Variants in SDR42E2 observed in about 807,000 individuals in gnomAD.
The protein encoded by SDR42E2 is putative short-chain dehydrogenase/reductase family 42E member 2.
SDR42E2 carries 20 observed loss-of-function variants against 10.5 expected under a neutral mutation model. The observed-to-expected ratio is 1.90, with a 90% confidence interval of 1.34 to 2.77. The LOEUF (loss-of-function observed/expected upper bound fraction) is 2.77, where lower values mean the gene tolerates loss of function less well. Ranked by LOEUF, SDR42E2 falls within the 30% of genes most tolerant of loss-of-function variation. The probability of loss-of-function intolerance (pLI) is 0.00; values close to 1 mark genes in which losing one functional copy is unlikely to be tolerated. For synonymous variants in SDR42E2, 72 were observed against 39.2 expected (o/e 1.84, Z -3.12); for missense variants, 162 against 104.2 (o/e 1.55, Z -2.42).
chr16:22,179,067 C>T (rs934318470), intron 8 of SDR42E2, among the ~76,000 whole-genome samples: 4 of 152,252 alleles, frequency 2.6e-5, no homozygotes, highest in Middle Eastern at 3.4e-3. Context: ...GATCATGGCT[C>T]ACTGCAGCCT....
At position 22,190,440 on chromosome 16, in the gene SDR42E2, G is replaced by T. The variant is rs935009268; in HGVS notation, c.*47G>T. ...CTAGGGTCGGCCCCGCTGCACCCTC[G>T]CCCACGCCCGGCTCCCTGGGCTTGT... On this transcript the variant is annotated 3_prime_UTR_variant, in exon 13 of 13. Coordinates refer to ENST00000602312, the MANE Select transcript of SDR42E2 (RefSeq NM_001394319.2). 2.2e-5 allele frequency: 9 copies of T among 400,368 alleles called. No individual in the cohort carries two copies. The highest frequency in any genetic ancestry group is 4.0e-5 in the Non-Finnish European group (9 of 226,894). The allele number at this position is 400,368 out of a possible 1,614,324, so 24.8% of individuals were successfully genotyped here. A position where few individuals can be genotyped will look rare whatever the true frequency, so the allele number is the denominator to read the frequency against.
rs537745534 is a variant in SDR42E2, at chr16:22,183,963, C to A, written c.877-218C>A. ...AAAAAAAAAAAAAAATTTTAACTAACCCATGCTTTCAATTCCTCCTTGGGT... is the reference window on the plus strand; with the variant it reads ...AAAAAAAAAAAAAAATTTTAACTAAACCATGCTTTCAATTCCTCCTTGGGT... On this transcript the variant is annotated intron_variant, in intron 10 of 12. Transcript: ENST00000602312. 2.7e-3 allele frequency among the ~76,000 whole-genome samples: 415 copies of A among 152,120 alleles called. 1 individual carries two copies. The highest frequency in any genetic ancestry group is 4.9e-3 in the Non-Finnish European group (333 of 67,996).
intron 7 of SDR42E2, among the ~76,000 whole-genome samples, chr16:22,174,228 G>A (rs1014206884): frequency 3.3e-5 from 5 of 151,962 alleles, no homozygotes; most frequent in African/African-American, 1.2e-4. Flanking sequence ...AGCTACTCAG[G>A]AGGCTGAGGC....
chr16:22,190,554 T>C lies in SDR42E2; in HGVS notation c.*161T>C, dbSNP rs866272190. 1 of 398,726 alleles carries C rather than the reference T, an allele frequency of 2.5e-6. No individual in the cohort carries two copies. 24.7% of individuals were successfully genotyped at this position (398,726 alleles called of 1,614,324 possible). ...ACGCCCCCGAGCCGCTCTCCAGACC[T>C]AGCCCGGACCGCCGACTTCTGGCCA... On this transcript the variant is annotated 3_prime_UTR_variant, in exon 13 of 13. Coordinates refer to ENST00000602312, the MANE Select transcript of SDR42E2 (RefSeq NM_001394319.2).
intron 1 of SDR42E2, among the ~76,000 whole-genome samples, chr16:22,164,013 A>C (rs1004244459): frequency 1.4e-5 from 2 of 142,536 alleles, no homozygotes; most frequent in African/African-American, 5.2e-5. Flanking sequence ...GTTACGGTTA[A>C]TGATCACCTA....
chr16:22,171,655 C>A (rs2046602341), intron 6 of SDR42E2, among the ~76,000 whole-genome samples: 1 of 152,176 alleles, frequency 6.6e-6, no homozygotes, highest in African/African-American at 2.4e-5. Flanking sequence ...GCCTCAGCCT[C>A]CCCAGTAGCT....
rs1322490288 is a variant in SDR42E2, at chr16:22,190,560, G to C, written c.*167G>C. 3 of 396,020 alleles carry C rather than the reference G, an allele frequency of 7.6e-6. No homozygotes were observed. The highest frequency in any genetic ancestry group is 1.3e-5 in the Non-Finnish European group (3 of 225,426). 24.5% of individuals were successfully genotyped at this position (396,020 alleles called of 1,614,324 possible). A position where few individuals can be genotyped will look rare whatever the true frequency, so the allele number is the denominator to read the frequency against. Reference sequence around the variant, plus strand: ...CCGAGCCGCTCTCCAGACCTAGCCCGGACCGCCGACTTCTGGCCACGCCCC... The same window carrying C: ...CCGAGCCGCTCTCCAGACCTAGCCCCGACCGCCGACTTCTGGCCACGCCCC... On this transcript the variant is annotated 3_prime_UTR_variant, in exon 13 of 13. Coordinates refer to ENST00000602312, the MANE Select transcript of SDR42E2 (RefSeq NM_001394319.2).
In SDR42E2 at chr16:22,182,186, CGTCCCCTCCCACAT is replaced by C; in HGVS notation, c.811-18_811-5del. 1 of 405,476 alleles carries C rather than the reference CGTCCCCTCCCACAT, an allele frequency of 2.5e-6. No individual in the cohort carries two copies. The highest frequency in any genetic ancestry group is 1.2e-4 in the South Asian group (1 of 8,250). The allele number at this position is 405,476 out of a possible 1,614,324, so 25.1% of individuals were successfully genotyped here. A position where few individuals can be genotyped will look rare whatever the true frequency, so the allele number is the denominator to read the frequency against. On this transcript the variant is annotated splice_polypyrimidine_tract_variant and intron_variant, in intron 9 of 12. Coordinates refer to ENST00000602312, the MANE Select transcript of SDR42E2 (RefSeq NM_001394319.2). Reference sequence around the variant, plus strand: ...GCAGGCTGCTGGGGAGAAGGCTGACCGTCCCCTCCCACATGTCCCCTTCAGAGTGGGCAGGCGTA... The same window carrying C: ...GCAGGCTGCTGGGGAGAAGGCTGACCGTCCCCTTCAGAGTGGGCAGGCGTA...
chr16:22,179,507 T>C (rs1280191502), intron 8 of SDR42E2, among the ~76,000 whole-genome samples: 1 of 152,082 alleles, frequency 6.6e-6, no homozygotes, highest in African/African-American at 2.4e-5. Context: ...ATAATGAACA[T>C]GTTAAATTAT....
intron 11 of SDR42E2, among the ~76,000 whole-genome samples, chr16:22,184,579 G>A (rs939034764): frequency 1.3e-5 from 2 of 152,198 alleles, no homozygotes; most frequent in Non-Finnish European, 2.9e-5. Context: ...TCCAGACTGG[G>A]TGACAGAGTG....
intron 4 of SDR42E2, among the ~76,000 whole-genome samples, chr16:22,168,740 G>A (rs1050914772): frequency 6.6e-6 from 1 of 152,004 alleles, no homozygotes; most frequent in African/African-American, 2.4e-5. Flanking sequence ...AGGCATGGTG[G>A]TGCATGCCTG....
intron 1 of SDR42E2, among the ~76,000 whole-genome samples, chr16:22,163,622 G>T (rs1438486106): frequency 6.6e-6 from 1 of 152,146 alleles, no homozygotes; most frequent in Admixed American, 6.5e-5. Flanking sequence ...GAGGAGAATT[G>T]CTTGAACAAG....
At chr16:22,170,757 C>T (rs2046591793) in intron 5 of SDR42E2, 76 bp from the exon 6 acceptor site, 4 of 699,364 alleles carry the variant, frequency 5.7e-6, no homozygotes, top group Admixed American at 2.0e-5. Flanking sequence ...TCTATGCTCA[C>T]TTGTGTCCCG....
In SDR42E2 at chr16:22,167,012, C is replaced by T; in HGVS notation, c.336+13C>T. 1 of 701,960 alleles carries T rather than the reference C, an allele frequency of 1.4e-6. No individual in the cohort carries two copies. The highest frequency in any genetic ancestry group is 2.6e-6 in the Non-Finnish European group (1 of 384,422). The allele number at this position is 701,960 out of a possible 1,614,324, so 43.5% of individuals were successfully genotyped here. A position where few individuals can be genotyped will look rare whatever the true frequency, so the allele number is the denominator to read the frequency against. The stretch of plus-strand genomic sequence containing the variant: ...CGGGGCTGAGAAGGTGGGCTCCTCA[C>T]ACACAACACCTGGAGTTAGACAGAG... On this transcript the variant is annotated intron_variant, in intron 4 of 12. Coordinates refer to ENST00000602312, the MANE Select transcript of SDR42E2 (RefSeq NM_001394319.2).
chr16:22,178,665 A>C (rs1476452793), intron 8 of SDR42E2, among the ~76,000 whole-genome samples: 1 of 152,160 alleles, frequency 6.6e-6, no homozygotes, highest in Non-Finnish European at 1.5e-5. Context: ...TCACAGCTTC[A>C]ATGTGGGGAG....
At chr16:22,166,219 C>G (rs1001032330) in intron 2 of SDR42E2, 31 bp from the exon 3 acceptor site, 1 of 405,680 alleles carries the variant, frequency 2.5e-6, no homozygotes, top group African/African-American at 2.1e-5. Context: ...TGGGCCCAGA[C>G]CCAGTGAGTC....
intron 1 of SDR42E2, among the ~76,000 whole-genome samples, chr16:22,164,187 G>A (rs1209820875): frequency 1.3e-5 from 2 of 152,130 alleles, no homozygotes; most frequent in Non-Finnish European, 1.5e-5. Context: ...GGGAGGCCAA[G>A]GCAGGAGAAT....
At position 22,178,205 on chromosome 16, in the gene SDR42E2, G is replaced by A. The variant is rs771242010; in HGVS notation, c.665G>A (p.Arg222His). The A allele has an allele frequency of 1.3e-5, 9 of 702,640 alleles. No individual in the cohort carries two copies. Among genetic ancestry groups the A allele is most frequent in the South Asian group, 7.4e-5 (5 of 67,572 alleles). The allele number at this position is 702,640 out of a possible 1,614,324, so 43.5% of individuals were successfully genotyped here. The change falls in exon 8 of 13, where the codon CGT becomes CAT. Residue 222 changes from arginine to histidine, a missense_variant. Physicochemically the swap from Arg to His is conservative, Grantham distance 29 (BLOSUM62 0). Transcript: ENST00000602312. ...CCTGAAGAGCAGAGGCACCTGCCCC[G>A]TGTGGCGGTACGTCATCCCCGCCTT... is the stretch of plus-strand genomic sequence containing the variant. Reference protein sequence around the residue: ...YGPEEQRHLPRVAGHIKKRLF... With the variant: ...YGPEEQRHLPHVAGHIKKRLF...
intron 12 of SDR42E2, among the ~76,000 whole-genome samples, chr16:22,188,572 T>G (rs2046750816): frequency 6.6e-6 from 1 of 152,232 alleles, no homozygotes; most frequent in Non-Finnish European, 1.5e-5. Flanking sequence ...ACCTCAGTGA[T>G]TTCAAGCTTA....
Sources: allele counts gnomAD v4.1 joint callset (sites outside exome capture counted in the v4.1 genomes callset), GRCh38; gene constraint gnomAD v4.1.1; transcripts MANE v1.5; gene names NCBI Gene and HGNC (gene_info 2026-07-23, HGNC 2026-07-21).